Variants in PPP6R3 observed in about 807,000 individuals in gnomAD.
The protein encoded by PPP6R3 is protein phosphatase 6 regulatory subunit 3.
A neutral mutation model predicts 110.7 loss-of-function variants in PPP6R3; 38 were observed. That is an observed-to-expected ratio of 0.34 (90% CI 0.26 to 0.45). PPP6R3 has a LOEUF of 0.45. PPP6R3 is among the 20% of genes least tolerant of loss of function. PPP6R3 has a pLI of 1.00. For missense variants in PPP6R3, 870 were observed against 1,062.4 expected (o/e 0.82, Z 2.52); for synonymous variants, 369 against 373.5 (o/e 0.99, Z 0.14).
At chr11:68,465,968 C>G (rs1437453186) in intron 1 of PPP6R3, among the ~76,000 whole-genome samples, 14 of 152,166 alleles carry the variant, frequency 9.2e-5, no homozygotes, top group Non-Finnish European at 1.6e-4. Context: ...ATACTGAAGC[C>G]GTTTTGTAAT....
chr11:68,509,744 A>T (rs1327956448), intron 1 of PPP6R3, among the ~76,000 whole-genome samples: 9 of 102,126 alleles, frequency 8.8e-5, no homozygotes, highest in South Asian at 6.5e-4. Context: ...CATGTGGCTA[A>T]TTTTTTTTTT....
chr11:68,467,838 G>C (rs1023397897), intron 1 of PPP6R3, among the ~76,000 whole-genome samples: 2 of 152,148 alleles, frequency 1.3e-5, no homozygotes, highest in African/African-American at 2.4e-5. Context: ...GTAGTGGCGC[G>C]ATCTCGGCTC....
intron 2 of PPP6R3, among the ~76,000 whole-genome samples, chr11:68,532,675 T>C (rs1437391714): frequency 6.6e-6 from 1 of 152,212 alleles, no homozygotes; most frequent in Non-Finnish European, 1.5e-5. Context: ...ATGACTGATA[T>C]GAATGATTAG....
intron 1 of PPP6R3, among the ~76,000 whole-genome samples, chr11:68,473,848 ATACT>A (rs145094070): frequency 0.047 from 7,103 of 152,166 alleles, 592 homozygotes; most frequent in African/African-American, 0.16. Flanking sequence ...GTTGTGAGTA[ATACT>A]TCTGTGAATA....
intron 1 of PPP6R3, among the ~76,000 whole-genome samples, chr11:68,476,214 A>G (rs1377646908): frequency 7.2e-5 from 11 of 152,206 alleles, no homozygotes; most frequent in Admixed American, 2.6e-4. Context: ...CAATTCCGGC[A>G]CCTCGGGAGG....
At chr11:68,594,118 A>G (rs1217041818) in intron 18 of PPP6R3, among the ~76,000 whole-genome samples, 2 of 152,190 alleles carry the variant, frequency 1.3e-5, no homozygotes, top group East Asian at 1.9e-4. Context: ...ATTAATCTCA[A>G]AAGATTTCAA....
At chr11:68,511,104 G>T (rs2099106615) in intron 1 of PPP6R3, among the ~76,000 whole-genome samples, 1 of 145,172 alleles carries the variant, frequency 6.9e-6, no homozygotes, top group African/African-American at 2.6e-5. Context: ...GTCTCGCTCT[G>T]TCGCCCAGGC....
In PPP6R3 at chr11:68,601,974, G is replaced by A. The variant is rs2153941366; in HGVS notation, c.2299+5G>A. On this transcript the variant is annotated splice_donor_5th_base_variant and intron_variant, in intron 21 of 23. Transcript: ENST00000393800. ...CCCTGGCAGTGCAGCCAGAAGGTGC[G>A]TGCAGAGAGGCCTGGGTACACGCCA... The A allele has an allele frequency of 1.9e-6, 3 of 1,605,662 alleles. No homozygotes were observed. The highest frequency in any genetic ancestry group is 1.7e-6 in the Non-Finnish European group (2 of 1,174,720).
chr11:68,581,548 T>C (rs557149432), intron 14 of PPP6R3, among the ~76,000 whole-genome samples: 1 of 152,362 alleles, frequency 6.6e-6, no homozygotes, highest in East Asian at 1.9e-4. Context: ...TGGCCCAGCA[T>C]GATATGTGTG....
chr11:68,517,127 C>A (rs2099141190), intron 1 of PPP6R3, among the ~76,000 whole-genome samples: 1 of 150,614 alleles, frequency 6.6e-6, no homozygotes, highest in African/African-American at 2.4e-5. Flanking sequence ...TTTTTTAGAA[C>A]CCCTGTTGGT....
chr11:68,594,637 ATAC>A (rs1277234200), intron 18 of PPP6R3, among the ~76,000 whole-genome samples: 59 of 152,334 alleles, frequency 3.9e-4, no homozygotes, highest in African/African-American at 1.4e-3. Context: ...CAGTATTATA[ATAC>A]TAAGCTGCCA....
intron 1 of PPP6R3, among the ~76,000 whole-genome samples, chr11:68,502,468 C>T (rs1265091331): frequency 6.6e-6 from 1 of 152,092 alleles, no homozygotes; most frequent in Non-Finnish European, 1.5e-5. Context: ...GGGCGCTAAC[C>T]AAGAACCCAA....
In PPP6R3 at chr11:68,614,603, T is replaced by C. The variant is rs748234960; in HGVS notation, c.*1486T>C. ...AAAGAATCAAACGTCTAATGCCTTA[T>C]TATTTCTGATTTCCTTTTTCATTTT... is the stretch of plus-strand genomic sequence containing the variant. On this transcript the variant is annotated 3_prime_UTR_variant, in exon 24 of 24. Transcript: ENST00000393800. 6.9e-7 allele frequency: 1 copy of C among 1,453,334 alleles called. No homozygotes were observed. The highest frequency in any genetic ancestry group is 2.6e-5 in the East Asian group (1 of 38,610). The allele number at this position is 1,453,334 out of a possible 1,614,324, so 90.0% of individuals were successfully genotyped here.
Position 68,518,202 on chromosome 11 carries a change from A to G in PPP6R3, c.-157-1299A>G, listed in dbSNP as rs562662413. The stretch of plus-strand genomic sequence containing the variant: ...TTCTACATATTATGAATTAATTACA[A>G]AGGAAAATCCTCAGTTTATAGTGAA... On this transcript the variant is annotated intron_variant, in intron 1 of 23. Coordinates refer to ENST00000393800, the MANE Select transcript of PPP6R3 (RefSeq NM_001164161.2). 2.0e-5 allele frequency among the ~76,000 whole-genome samples: 3 copies of G among 152,340 alleles called. No individual in the cohort carries two copies. The South Asian group carries it at 6.2e-4, about 32-fold the overall frequency.
chr11:68,600,749 C>T (rs1463154611), intron 20 of PPP6R3, among the ~76,000 whole-genome samples: 1 of 152,128 alleles, frequency 6.6e-6, no homozygotes, highest in Non-Finnish European at 1.5e-5. Context: ...GATGCGGTCC[C>T]AGGGAGTTAG....
chr11:68,537,412 C>G (rs1358586218), intron 2 of PPP6R3, among the ~76,000 whole-genome samples: 3 of 152,098 alleles, frequency 2.0e-5, no homozygotes, highest in Non-Finnish European at 4.4e-5. Flanking sequence ...TTAAAATCAT[C>G]CCAAGTTTTA....
At chr11:68,487,350 TGAGGTTGCAG>T (rs2098954236) in intron 1 of PPP6R3, among the ~76,000 whole-genome samples, 1 of 448 alleles carries the variant, frequency 2.2e-3, no homozygotes, top group African/African-American at 0.011. Flanking sequence ...CCCAGGAGTA[TGAGGTTGCAG>T]TGAGCTATGA....
intron 1 of PPP6R3, among the ~76,000 whole-genome samples, chr11:68,481,884 T>C (rs2098915883): frequency 6.6e-6 from 1 of 152,076 alleles, no homozygotes; most frequent in Non-Finnish European, 1.5e-5. Context: ...TCCTTCTAGA[T>C]GAGTGTGAGG....
At chr11:68,478,647 G>GTTTTTTGTTTTTTTT (rs2098860892) in intron 1 of PPP6R3, among the ~76,000 whole-genome samples, 1 of 50,506 alleles carries the variant, frequency 2.0e-5, no homozygotes, top group South Asian at 1.0e-3. Context: ...CACTTGGTAA[G>GTTTTTTGTTTTTTTT]TTTTTTTTTT....
Sources: allele counts gnomAD v4.1 joint callset (sites outside exome capture counted in the v4.1 genomes callset), GRCh38; gene constraint gnomAD v4.1.1; transcripts MANE v1.5; gene names NCBI Gene and HGNC (gene_info 2026-07-23, HGNC 2026-07-21).